The following GPN1 variants were observed in gnomAD, a reference collection of about 807,000 sequenced individuals.
GPN1 encodes GPN-loop GTPase 1.
A neutral mutation model predicts 55.9 loss-of-function variants in GPN1; 44 were observed. The ratio of observed to expected loss-of-function variants is 0.79; its 90% CI spans 0.62 to 1.01. The LOEUF (loss-of-function observed/expected upper bound fraction) is 1.01, where lower values mean the gene tolerates loss of function less well. Among genes scored for constraint, GPN1 ranks in the 50% least tolerant of loss-of-function variants. The pLI is 0.00. For missense variants in GPN1, 466 were observed against 462.8 expected (o/e 1.01, Z -0.06); for synonymous variants, 179 against 162.5 (o/e 1.10, Z -0.77).
intron 7 of GPN1, among the ~76,000 whole-genome samples, chr2:27,637,500 A>T (rs536580437): frequency 1.3e-5 from 2 of 152,182 alleles, no homozygotes; most frequent in Non-Finnish European, 2.9e-5. Context: ...CTATACCTCA[A>T]TAAAGGTAGG....
In GPN1 at chr2:27,635,233, A is replaced by T; in HGVS notation, c.523A>T (p.Ser175Cys). 2.0e-6 allele frequency: 3 copies of T among 1,496,342 alleles called. No individual in the cohort carries two copies. Among genetic ancestry groups the T allele is most frequent in the Non-Finnish European group, 2.8e-6 (3 of 1,076,556 alleles). The allele number at this position is 1,496,342 out of a possible 1,614,324, so 92.7% of individuals were successfully genotyped here. The change falls in exon 7 of 14, where the codon AGC (serine) becomes TGC (cysteine). Residue 175 changes from serine to cysteine, a missense_variant and splice_region_variant. Physicochemically the swap from Ser to Cys is moderately radical, Grantham distance 112. Coordinates refer to ENST00000610189, the MANE Select transcript of GPN1 (RefSeq NM_007266.4). ...CATGTCCAACATGCTCTATGCCTGC[A>T]GGTAATTGATTGTTGGTGGGGAAAG... ...TFMSNMLYACSILYKTKLPFI... is the reference protein window; with the variant it reads ...TFMSNMLYACCILYKTKLPFI...
chr2:27,641,401 T>C, intron 11 of GPN1, 122 bp downstream of exon 11: 1 of 615,318 alleles, frequency 1.6e-6, no homozygotes. Context: ...AAAAAAGTTT[T>C]TTTTGTAGCT....
chr2:27,632,858 C>T (rs552501837), intron 5 of GPN1, among the ~76,000 whole-genome samples, 188 bp downstream of exon 5: 1 of 152,294 alleles, frequency 6.6e-6, no homozygotes, highest in Admixed American at 6.5e-5. Context: ...ATCATTTCAT[C>T]CTCAATTACT....
Position 27,631,055 on chromosome 2 carries a change from A to G in GPN1, c.234A>G (p.Glu78=). ...TTCGTGATACTGTAAAGTATAAAGA[A>G]GTAATGAAACAGTATCCTTTTCCAT... The part of the protein sequence containing the change: ...IDIRDTVKYK[E]VMKQYGLGPN... Residue 78 remains glutamate, a synonymous_variant, in exon 3 of 14, where the codon GAA becomes GAG. Transcript: ENST00000610189. 7.2e-7 allele frequency: 1 copy of G among 1,390,624 alleles called. No individual in the cohort carries two copies. Among genetic ancestry groups the G allele is most frequent in the Non-Finnish European group, 1.0e-6 (1 of 978,150 alleles). 86.1% of individuals were successfully genotyped at this position (1,390,624 alleles called of 1,614,324 possible). A position where few individuals can be genotyped will look rare whatever the true frequency, so the allele number is the denominator to read the frequency against.
chr2:27,639,028 CAG>C lies in GPN1; in HGVS notation c.715_716del (p.Arg239GlyfsTer14), dbSNP rs758308702. 11 of 1,606,650 alleles carry C rather than the reference CAG, an allele frequency of 6.8e-6. No homozygotes were observed. Among genetic ancestry groups the C allele is most frequent in the East Asian group, 2.2e-5 (1 of 44,756 alleles). On this transcript the variant is annotated frameshift_variant and splice_region_variant, in exon 9 of 14. Transcript: ENST00000610189. LOFTEE classifies it high-confidence loss of function. ...TGTTAGATGAGTTTTACAGCTCACT[CAG>C]GGTAAATTTTCTCTCCTGCTCACAC... is the stretch of plus-strand genomic sequence containing the variant. ...LVLDEFYSSL[R>X]VVGVSAVLGT...
At chr2:27,642,956 TATACAC>T (rs1384352224) in intron 12 of GPN1, among the ~76,000 whole-genome samples, 12 of 85,830 alleles carry the variant, frequency 1.4e-4, no homozygotes, top group East Asian at 9.3e-4. Context: ...TATATATATA[TATACAC>T]ACACACACAC....
intron 5 of GPN1, among the ~76,000 whole-genome samples, chr2:27,634,510 C>T (rs971078803): frequency 1.3e-5 from 2 of 152,196 alleles, no homozygotes; most frequent in Non-Finnish European, 2.9e-5. Flanking sequence ...TCCACACTCA[C>T]CCCCGCCCTA....
In GPN1 at chr2:27,647,705, A is replaced by C. The variant is rs573007552; in HGVS notation, c.932-131A>C. The C allele has an allele frequency of 6.5e-5, 40 of 613,504 alleles. 1 individual carries two copies. In the South Asian group the frequency reaches 7.3e-4, roughly 11 times the overall value. 38.0% of individuals were successfully genotyped at this position (613,504 alleles called of 1,614,324 possible). ...GTTAAGTGGTATTAACAATACATTTAGAAGAGGTAAGATCCTGCGTTTATA... is the reference window on the plus strand; with the variant it reads ...GTTAAGTGGTATTAACAATACATTTCGAAGAGGTAAGATCCTGCGTTTATA... On this transcript the variant is annotated intron_variant, in intron 12 of 13. Coordinates refer to ENST00000610189, the MANE Select transcript of GPN1 (RefSeq NM_007266.4).
chr2:27,636,312 G>C (rs996199949), intron 7 of GPN1, among the ~76,000 whole-genome samples: 2 of 152,166 alleles, frequency 1.3e-5, no homozygotes, highest in Non-Finnish European at 2.9e-5. Context: ...GAGGAGCAAG[G>C]CTGACAGTTA....
intron 5 of GPN1, among the ~76,000 whole-genome samples, 180 bp downstream of exon 5, chr2:27,632,850 C>A (rs1329540313): frequency 1.3e-5 from 2 of 152,162 alleles, no homozygotes; most frequent in Non-Finnish European, 2.9e-5. Flanking sequence ...AATTTAATAT[C>A]ATTTCATCCT....
At chr2:27,630,023 C>A in intron 2 of GPN1, 71 bp downstream of exon 2, 1 of 893,018 alleles carries the variant, frequency 1.1e-6, no homozygotes, top group South Asian at 1.3e-5. Context: ...CGTGGTGGCT[C>A]ACGGCTGTAA....
At chr2:27,629,561 G>A in intron 1 of GPN1, 1 of 716,468 alleles carries the variant, frequency 1.4e-6, no homozygotes, top group Non-Finnish European at 2.4e-6. Flanking sequence ...TAGCGAAAAT[G>A]AGGTTGACAA....
intron 12 of GPN1, among the ~76,000 whole-genome samples, chr2:27,647,622 G>A (rs1436499196): frequency 6.6e-6 from 1 of 152,172 alleles, no homozygotes; most frequent in Non-Finnish European, 1.5e-5. Flanking sequence ...AAAAAAATGG[G>A]ACTCCTAGGG....
At position 27,650,877 on chromosome 2, in the gene GPN1, A is replaced by C. The variant is rs1326006089; in HGVS notation, c.*677A>C. The C allele has an allele frequency of 1.3e-5, 2 of 152,812 alleles. No individual in the cohort carries two copies. Among genetic ancestry groups the C allele is most frequent in the Admixed American group, 1.3e-4 (2 of 15,286 alleles). The allele number at this position is 152,812 out of a possible 1,614,324, so 9.5% of individuals were successfully genotyped here. A position where few individuals can be genotyped will look rare whatever the true frequency, so the allele number is the denominator to read the frequency against. On this transcript the variant is annotated 3_prime_UTR_variant, in exon 14 of 14. Coordinates refer to ENST00000610189, the MANE Select transcript of GPN1 (RefSeq NM_007266.4). ...TTCTAAGACTGCTTGTCATGATTTC[A>C]AATTAGAAAATTATATAATTGCAAA...
At chr2:27,628,843 T>C (rs1338792867), upstream of GPN1, 5 of 1,469,378 alleles carry the variant, frequency 3.4e-6, no homozygotes, top group Non-Finnish European at 4.5e-6. Context: ...CCCTTCAGCC[T>C]TCCTCTCGCT....
At position 27,647,841 on chromosome 2, in the gene GPN1, T is replaced by A. The variant is rs752064583; in HGVS notation, c.937T>A (p.Leu313Ile). ...GATAGGTGTTTTCACTGTAGACAGC[T>A]TATCTCCTGTGCTGCACCCTTCTGA... ...ALDAGTAKDSLSPVLHPSDLI... is the reference protein window; with the variant it reads ...ALDAGTAKDSISPVLHPSDLI... The change falls in exon 13 of 14, where the codon TTA becomes ATA. Residue 313 changes from leucine to isoleucine, a missense_variant. Transcript: ENST00000610189. 18 of 1,604,320 alleles carry A rather than the reference T, an allele frequency of 1.1e-5. No individual in the cohort carries two copies. Among genetic ancestry groups the A allele is most frequent in the Non-Finnish European group, 1.4e-5 (16 of 1,171,242 alleles).
intron 11 of GPN1, among the ~76,000 whole-genome samples, chr2:27,641,800 T>C (rs1673964797): frequency 6.6e-6 from 1 of 152,194 alleles, no homozygotes; most frequent in Non-Finnish European, 1.5e-5. Flanking sequence ...GGTCTCACCG[T>C]GTTGCCCAGG....
At position 27,629,065 on chromosome 2, in the gene GPN1, G is replaced by A; in HGVS notation, c.7G>A (p.Ala3Thr). Residue 3 changes from alanine (A) to threonine (T), a missense_variant, in exon 1 of 14, where the codon GCG becomes ACG. By Grantham distance (58) the Ala-to-Thr change is moderately conservative (BLOSUM62 0). Transcript: ENST00000610189. MA[A>T]SAAAAELQAS... Reference sequence around the variant, plus strand: ...GGGTGGGGCCAGGAGGAAGATGGCGGCGTCCGCAGCTGCCGCTGAGCTCCA... The same window carrying A: ...GGGTGGGGCCAGGAGGAAGATGGCGACGTCCGCAGCTGCCGCTGAGCTCCA... 1.2e-6 allele frequency: 2 copies of A among 1,614,206 alleles called. No individual in the cohort carries two copies. The highest frequency in any genetic ancestry group is 1.7e-6 in the Non-Finnish European group (2 of 1,180,042).
rs561469605 is a variant in GPN1, at chr2:27,641,396, AG to A, written c.840+118del. On this transcript the variant is annotated intron_variant, in intron 11 of 13. Coordinates refer to ENST00000610189, the MANE Select transcript of GPN1 (RefSeq NM_007266.4). ...AATGTATCTTTTATTTAATTAAAAA[AG>A]TTTTTTTTGTAGCTTTATTGAGGTA... is the stretch of plus-strand genomic sequence containing the variant. 2.5e-4 allele frequency: 169 copies of A among 682,942 alleles called. 2 individuals carry two copies. In the South Asian group the frequency reaches 3.4e-3, roughly 14 times the overall value. 42.3% of individuals were successfully genotyped at this position (682,942 alleles called of 1,614,324 possible).
Sources: gnomAD v4.1 joint callset for allele counts (sites outside exome capture counted in the v4.1 genomes callset) on GRCh38, gnomAD v4.1.1 for gene constraint, MANE v1.5 for transcripts, NCBI Gene and HGNC (gene_info 2026-07-23, HGNC 2026-07-21) for gene names.